Variants in UGT1A7 observed in about 807,000 individuals in gnomAD.
UGT1A7 encodes the protein UDP glucuronosyltransferase family 1 member A7, also known as UDP-glucuronosyltransferase 1A7.
In UGT1A7, 33 loss-of-function variants were observed where a neutral mutation model predicts 45.6. That is an observed-to-expected ratio of 0.72 (90% CI 0.55 to 0.97). The LOEUF is 0.97. UGT1A7 is among the 50% of genes least tolerant of loss of function. The pLI, the probability that UGT1A7 is intolerant of heterozygous loss-of-function variation, is 0.00. For missense variants in UGT1A7, 684 were observed against 666.2 expected (o/e 1.03, Z -0.29); for synonymous variants, 274 against 250.6 (o/e 1.09, Z -0.88).
chr2:233,718,433 A>G (rs571476124), intron 1 of UGT1A7, among the ~76,000 whole-genome samples: 1 of 152,326 alleles, frequency 6.6e-6, no homozygotes, highest in East Asian at 1.9e-4. Flanking sequence ...GTGGTTGGGG[A>G]CTAGGGCAAT....
intron 1 of UGT1A7, among the ~76,000 whole-genome samples, chr2:233,740,331 G>GA (rs1691368430): frequency 6.6e-6 from 1 of 151,940 alleles, no homozygotes; most frequent in African/African-American, 2.4e-5. Context: ...CATTTATTGA[G>GA]AAAGTTGATG....
intron 1 of UGT1A7, among the ~76,000 whole-genome samples, chr2:233,727,274 G>C (rs779419718): frequency 6.6e-6 from 1 of 152,104 alleles, no homozygotes; most frequent in Non-Finnish European, 1.5e-5. Context: ...CTCATCTCCA[G>C]ACCCTGGAAG....
At chr2:233,768,705 T>C (rs536691348) in intron 4 of UGT1A7, among the ~76,000 whole-genome samples, 10 of 148,550 alleles carry the variant, frequency 6.7e-5, no homozygotes, top group Admixed American at 6.1e-4. Flanking sequence ...TGCCTCAGCC[T>C]CCGTGTAGCT....
intron 1 of UGT1A7, among the ~76,000 whole-genome samples, chr2:233,709,916 C>T (rs1451776215): frequency 6.6e-6 from 1 of 152,228 alleles, no homozygotes; most frequent in African/African-American, 2.4e-5. Flanking sequence ...AATACCTCCC[C>T]TCACCTTAGG....
At chr2:233,728,557 A>T (rs190814480) in intron 1 of UGT1A7, among the ~76,000 whole-genome samples, 41 of 152,308 alleles carry the variant, frequency 2.7e-4, no homozygotes, top group African/African-American at 9.6e-4. Context: ...TGATCCTTAC[A>T]AGAAATATCC....
At chr2:233,709,530 T>C (rs777975789) in intron 1 of UGT1A7, among the ~76,000 whole-genome samples, 1 of 152,190 alleles carries the variant, frequency 6.6e-6, no homozygotes, top group Non-Finnish European at 1.5e-5. Flanking sequence ...TTCTTTTTCC[T>C]ACTGTGATAT....
chr2:233,743,632 GT>G, intron 1 of UGT1A7: 1 of 1,367,332 alleles, frequency 7.3e-7, no homozygotes, highest in Non-Finnish European at 9.8e-7. Flanking sequence ...CGTCGGCTGG[GT>G]CGCGGAAGCT....
rs899779207 is a variant in UGT1A7 at position 233,690,760 on chromosome 2, T to TAC, written c.855+7982_855+7983dup. The TAC allele has an allele frequency of 2.3e-5, 21 of 905,564 alleles. No homozygotes were observed. The East Asian group carries it at 3.3e-4, about 14-fold the overall frequency. 56.1% of individuals were successfully genotyped at this position (905,564 alleles called of 1,614,324 possible). On this transcript the variant is annotated intron_variant, in intron 1 of 4. Transcript: ENST00000373426. ...CTCTGGCTAGTGTCCAGTGCAGACA[T>TAC]ACACACACACACACATACACACACA... is the stretch of plus-strand genomic sequence containing the variant.
chr2:233,762,837 TAGGC>T (rs1698177979), intron 1 of UGT1A7, among the ~76,000 whole-genome samples: 1 of 152,150 alleles, frequency 6.6e-6, no homozygotes, highest in South Asian at 2.1e-4. Context: ...TAAAAAATAA[TAGGC>T]AGTCATTTGC....
intron 1 of UGT1A7, among the ~76,000 whole-genome samples, chr2:233,726,972 A>C (rs1406069474): frequency 6.6e-6 from 1 of 152,130 alleles, no homozygotes; most frequent in Admixed American, 6.5e-5. Flanking sequence ...CAAAAGTTTT[A>C]GATTTTGATG....
chr2:233,699,892 C>G (rs566030513), intron 1 of UGT1A7, among the ~76,000 whole-genome samples: 2 of 152,106 alleles, frequency 1.3e-5, no homozygotes, highest in African/African-American at 4.8e-5. Flanking sequence ...ATTGGAGAGG[C>G]GAAATAGTCA....
chr2:233,744,104 G>T (rs1183907106), intron 1 of UGT1A7: 22 of 400,806 alleles, frequency 5.5e-5, no homozygotes, highest in Non-Finnish European at 4.5e-6. Context: ...TCTGGGACTG[G>T]CCCTGCTCTC....
Position 233,772,513 on chromosome 2 carries a change from G to C in UGT1A7, c.1547G>C (p.Gly516Ala), listed in dbSNP as rs867885761. ...CCAYGYRKCL[G>A]KKGRVKKAHK... ...GCTTATGGCTACCGGAAATGCTTGG[G>C]GAAAAAAGGGCGAGTTAAGAAAGCC... The change falls in exon 5 of 5, where the codon GGG (glycine) becomes GCG (alanine). Residue 516 changes from glycine to alanine, a missense_variant. Gly to Ala is a moderately conservative substitution (Grantham distance 60). Transcript: ENST00000373426. 26 of 1,614,000 alleles carry C rather than the reference G, an allele frequency of 1.6e-5. 1 individual carries two copies. In the East Asian group the frequency reaches 5.6e-4, roughly 35 times the overall value.
intron 1 of UGT1A7, among the ~76,000 whole-genome samples, chr2:233,735,103 C>T (rs4467260): frequency 0.55 from 84,293 of 151,900 alleles, 25,602 homozygotes; most frequent in African/African-American, 0.82. Context: ...TGTCTAATAT[C>T]GACAGTGGGA....
At chr2:233,750,986 G>A (rs1230774000) in intron 1 of UGT1A7, among the ~76,000 whole-genome samples, 5 of 151,784 alleles carry the variant, frequency 3.3e-5, no homozygotes, top group African/African-American at 1.2e-4. Context: ...TTGTGAGAAG[G>A]CGGCCACCAT....
intron 1 of UGT1A7, among the ~76,000 whole-genome samples, chr2:233,696,822 T>C (rs527873839): frequency 1.6e-4 from 24 of 152,304 alleles, no homozygotes; most frequent in African/African-American, 5.8e-4. Context: ...TTATTGAGAG[T>C]GTGTATCATA....
At chr2:233,705,435 C>T (rs1194240506) in intron 1 of UGT1A7, among the ~76,000 whole-genome samples, 4 of 152,116 alleles carry the variant, frequency 2.6e-5, no homozygotes, top group Non-Finnish European at 5.9e-5. Flanking sequence ...ATAACTTATC[C>T]TTCAGAATTG....
chr2:233,724,618 G>A (rs1325870277), intron 1 of UGT1A7, among the ~76,000 whole-genome samples: 1 of 137,250 alleles, frequency 7.3e-6, no homozygotes, highest in East Asian at 2.4e-4. Flanking sequence ...GGGCAGAGAC[G>A]CTCCTCACTT....
At chr2:233,701,365 A>G (rs571373047) in intron 1 of UGT1A7, among the ~76,000 whole-genome samples, 5 of 152,274 alleles carry the variant, frequency 3.3e-5, no homozygotes, top group African/African-American at 1.2e-4. Context: ...AGATCTACAA[A>G]GAGACTTAGA....
Sources: allele counts gnomAD v4.1 joint callset (sites outside exome capture counted in the v4.1 genomes callset), GRCh38; gene constraint gnomAD v4.1.1; transcripts MANE v1.5; gene names NCBI Gene and HGNC (gene_info 2026-07-23, HGNC 2026-07-21).